DIP2A: variants seen among roughly 807,000 people sequenced by gnomAD.
DIP2A encodes disco-interacting protein 2 homolog A.
Under a neutral mutation model 177.4 loss-of-function variants are expected in DIP2A, and 85 were observed. The ratio of observed to expected loss-of-function variants is 0.48; its 90% CI spans 0.40 to 0.57. The LOEUF (loss-of-function observed/expected upper bound fraction) is 0.57, where lower values mean the gene tolerates loss of function less well. Ranked by LOEUF, DIP2A falls within the 20% of genes least tolerant of loss-of-function variation. The pLI is 0.00. For synonymous variants in DIP2A, 886 were observed against 881.8 expected, an observed-to-expected ratio of 1.00 and a Z score of -0.08; for missense variants, 1,791 against 2,100.2, an observed-to-expected ratio of 0.85 and a Z score of 2.88.
chr21:46,571,257 G>A (rs964207407), downstream of DIP2A, among the ~76,000 whole-genome samples: 3 of 152,076 alleles, frequency 2.0e-5, no homozygotes, highest in Non-Finnish European at 2.9e-5. Flanking sequence ...CAAAACCATC[G>A]TCCTGTGCCC....
chr21:46,529,264 A>G (rs533051404), intron 9 of DIP2A, 81 bp downstream of exon 9: 6 of 908,792 alleles, frequency 6.6e-6, no homozygotes, highest in Non-Finnish European at 1.0e-5. Flanking sequence ...TTAGTGTTCT[A>G]TCATTTAGTT....
chr21:46,528,527 C>CATTTTTTTTTTTTTTTT (rs2059207496), intron 8 of DIP2A, among the ~76,000 whole-genome samples: 1 of 29,380 alleles, frequency 3.4e-5, no homozygotes, highest in African/African-American at 1.6e-4. Context: ...TTTCTGCTTG[C>CATTTTTTTTTTTTTTTT]TTTTTTTTTT....
intron 6 of DIP2A, among the ~76,000 whole-genome samples, chr21:46,506,881 A>G (rs1025021228): frequency 2.0e-5 from 3 of 148,444 alleles, no homozygotes; most frequent in Non-Finnish European, 4.4e-5. Flanking sequence ...GCTCACTGCA[A>G]CATCCACCTC....
intron 3 of DIP2A, among the ~76,000 whole-genome samples, chr21:46,493,772 C>T (rs2057154545): frequency 2.0e-5 from 3 of 152,170 alleles, no homozygotes; most frequent in South Asian, 2.1e-4. Context: ...CCTGGCCCTA[C>T]AAGCCATTTA....
chr21:46,459,096 G>A lies in DIP2A; in HGVS notation c.-36G>A. ...CGCTGCCGCCGCCAGGCCCGGTCCG[G>A]TTCCAGCCTCTGCCCGGACGCTAGC... is the stretch of plus-strand genomic sequence containing the variant. On this transcript the variant is annotated 5_prime_UTR_variant, in exon 1 of 38. Transcript: ENST00000417564. 6 of 1,447,746 alleles carry A rather than the reference G, an allele frequency of 4.1e-6. No homozygotes were observed. Among genetic ancestry groups the A allele is most frequent in the Non-Finnish European group, 5.4e-6 (6 of 1,103,536 alleles). The allele number at this position is 1,447,746 out of a possible 1,614,324, so 89.7% of individuals were successfully genotyped here. A position where few individuals can be genotyped will look rare whatever the true frequency, so the allele number is the denominator to read the frequency against.
Position 46,529,108 on chromosome 21 carries a change from G to A in DIP2A, c.1119G>A (p.Arg373=). Residue 373 remains arginine (R), a synonymous_variant, in exon 9 of 38, where the codon CGG becomes CGA. Coordinates refer to ENST00000417564, the MANE Select transcript of DIP2A (RefSeq NM_015151.4). ...YTLTYGKLWS[R]SLKLAYTLLN... Reference sequence around the variant, plus strand: ...TTGTTTTAGGTAAACTTTGGAGTCGGAGTTTAAAACTAGCTTATACTCTAC... The same window carrying A: ...TTGTTTTAGGTAAACTTTGGAGTCGAAGTTTAAAACTAGCTTATACTCTAC... The A allele has an allele frequency of 6.6e-7, 1 of 1,513,520 alleles. No homozygotes were observed. The highest frequency in any genetic ancestry group is 8.8e-7 in the Non-Finnish European group (1 of 1,130,864). 93.8% of individuals were successfully genotyped at this position (1,513,520 alleles called of 1,614,324 possible). A position where few individuals can be genotyped will look rare whatever the true frequency, so the allele number is the denominator to read the frequency against.
intron 17 of DIP2A, among the ~76,000 whole-genome samples, chr21:46,541,466 G>A (rs1186018065): frequency 1.3e-5 from 2 of 152,158 alleles, no homozygotes; most frequent in African/African-American, 4.8e-5. Flanking sequence ...AGTGTCCCAA[G>A]ACAATCGGGT....
chr21:46,521,129 CCTTT>C (rs750197982), intron 8 of DIP2A, among the ~76,000 whole-genome samples: 31 of 152,226 alleles, frequency 2.0e-4, no homozygotes, highest in Middle Eastern at 3.4e-3. Context: ...TAATCTGTCT[CCTTT>C]CTTTCCCTTC....
intron 1 of DIP2A, among the ~76,000 whole-genome samples, chr21:46,478,844 G>A (rs912543502): frequency 6.6e-6 from 1 of 150,736 alleles, no homozygotes; most frequent in Admixed American, 6.6e-5. Context: ...TTCTATTATT[G>A]TTTCTCATGG....
Position 46,534,007 on chromosome 21 carries a change from G to A in DIP2A, c.1433G>A (p.Trp478Ter). 3 of 1,612,764 alleles carry A rather than the reference G, an allele frequency of 1.9e-6. No individual in the cohort carries two copies. Among genetic ancestry groups the A allele is most frequent in the Non-Finnish European group, 2.5e-6 (3 of 1,179,348 alleles). Residue 478 changes from tryptophan to a stop codon, truncating the protein, a stop_gained, in exon 12 of 38, where the codon TGG becomes TAG. Coordinates refer to ENST00000417564, the MANE Select transcript of DIP2A (RefSeq NM_015151.4). LOFTEE classifies it high-confidence loss of function. ...GTGTCCTGTCTGTGTGTCACAGGTT[G>A]GCCCCCGCTCTCCTGGCTAGTGATT... ...QTGEVAAFKG[W>*]PPLSWLVIDG...
chr21:46,512,114 T>G (rs2058341584), intron 8 of DIP2A, among the ~76,000 whole-genome samples: 1 of 152,178 alleles, frequency 6.6e-6, no homozygotes, highest in Non-Finnish European at 1.5e-5. Context: ...CCCACACTGT[T>G]GGCTTTACCT....
chr21:46,571,410 A>G (rs1264652710), downstream of DIP2A, among the ~76,000 whole-genome samples: 1 of 152,170 alleles, frequency 6.6e-6, no homozygotes, highest in Non-Finnish European at 1.5e-5. Context: ...TTGAAATTTA[A>G]AGTAGTTTTT....
intron 8 of DIP2A, among the ~76,000 whole-genome samples, chr21:46,520,522 A>C (rs1053315016): frequency 3.3e-5 from 5 of 152,220 alleles, no homozygotes; most frequent in African/African-American, 1.2e-4. Context: ...CAACCTCCAA[A>C]GTTATCAGAA....
At chr21:46,555,855 C>A in intron 28 of DIP2A, 127 bp from the exon 29 acceptor site, 1 of 759,432 alleles carries the variant, frequency 1.3e-6, no homozygotes, top group Non-Finnish European at 2.4e-6. Context: ...CGGCCCCACT[C>A]CCGTCTGAGC....
In DIP2A at chr21:46,482,043, C is replaced by T. The variant is rs1034322879; in HGVS notation, c.92-2714C>T. ...CATCCTGGGTGACAGAGCAAAACTCCGTCTCAAAAAAACAAAAACAAAAAC... is the reference window on the plus strand; with the variant it reads ...CATCCTGGGTGACAGAGCAAAACTCTGTCTCAAAAAAACAAAAACAAAAAC... On this transcript the variant is annotated intron_variant, in intron 1 of 37. Transcript: ENST00000417564. Among the ~76,000 whole-genome samples the T allele has an allele frequency of 4.6e-5, 7 of 151,884 alleles. No homozygotes were observed. The East Asian group carries it at 5.8e-4, about 13-fold the overall frequency.
At chr21:46,490,485 C>A (rs759330937) in intron 2 of DIP2A, 115 bp from the exon 3 acceptor site, 5 of 1,253,516 alleles carry the variant, frequency 4.0e-6, no homozygotes, top group South Asian at 3.2e-5. Flanking sequence ...AGATTAAAGG[C>A]TCTTTGATAG....
At chr21:46,565,617 T>A in intron 35 of DIP2A, 96 bp from the exon 36 acceptor site, 1 of 1,297,480 alleles carries the variant, frequency 7.7e-7, no homozygotes, top group Non-Finnish European at 1.1e-6. Flanking sequence ...GTTCAGTGTT[T>A]TCTGGAGCAT....
Position 46,556,329 on chromosome 21 carries a change from A to G in DIP2A, c.3498+238A>G. On this transcript the variant is annotated intron_variant, in intron 29 of 37. Coordinates refer to ENST00000417564, the MANE Select transcript of DIP2A (RefSeq NM_015151.4). This position sits in a 1 kb window ranked among gnomAD's most constrained non-coding sequence, Gnocchi z 4.5. Reference sequence around the variant, plus strand: ...TAAACTTTCTGATTTATGACTGTCTAGCTTACAGGAACTGGTGGCTTTGAA... The same window carrying G: ...TAAACTTTCTGATTTATGACTGTCTGGCTTACAGGAACTGGTGGCTTTGAA... 1 of 1,467,786 alleles carries G rather than the reference A, an allele frequency of 6.8e-7. No individual in the cohort carries two copies. The highest frequency in any genetic ancestry group is 1.2e-5 in the South Asian group (1 of 82,474). 90.9% of individuals were successfully genotyped at this position (1,467,786 alleles called of 1,614,324 possible).
Position 46,466,410 on chromosome 21 carries a change from G to A in DIP2A, c.91+7188G>A, listed in dbSNP as rs151153656. On this transcript the variant is annotated intron_variant, in intron 1 of 37. Transcript: ENST00000417564. Reference sequence around the variant, plus strand: ...GTCTCCCAGGCTGGAGTGCAGTGGCGCGATCTCAGCTCACTGCAACCTCTG... The same window carrying A: ...GTCTCCCAGGCTGGAGTGCAGTGGCACGATCTCAGCTCACTGCAACCTCTG... Among the ~76,000 whole-genome samples, 978 of 144,288 alleles carry A rather than the reference G, an allele frequency of 6.8e-3. 10 individuals are homozygous for A. The highest frequency in any genetic ancestry group is 0.022 in the African/African-American group (852 of 38,830). The allele number at this position is 144,288 out of a possible 152,430, so 94.7% of individuals were successfully genotyped here. A position where few individuals can be genotyped will look rare whatever the true frequency, so the allele number is the denominator to read the frequency against.
Sources: gnomAD v4.1 joint callset for allele counts (sites outside exome capture counted in the v4.1 genomes callset) on GRCh38, gnomAD v4.1.1 for gene constraint, Gnocchi (gnomAD v3.1) non-coding constraint, MANE v1.5 for transcripts, NCBI Gene and HGNC (gene_info 2026-07-23, HGNC 2026-07-21) for gene names.